The following AJAP1 variants were observed in gnomAD, a reference collection of about 807,000 sequenced individuals.
The protein encoded by AJAP1 is adherens junctions associated protein 1.
In AJAP1, 5 loss-of-function variants were observed where a neutral mutation model predicts 35.0. The observed-to-expected ratio is 0.14, with a 90% CI of 0.07 to 0.30. The LOEUF is 0.30. Ranked by LOEUF, AJAP1 falls within the 10% of genes least tolerant of loss-of-function variation. The probability of loss-of-function intolerance (pLI) is 1.00; values close to 1 mark genes in which losing one functional copy is unlikely to be tolerated. For synonymous variants in AJAP1, 284 were observed against 249.3 expected (o/e 1.14, Z -1.31); for missense variants, 586 against 571.0 (o/e 1.03, Z -0.27).
rs1353422176 is a variant in AJAP1, at chr1:4,656,336, G to C, written c.29+882G>C. On this transcript the variant is annotated intron_variant, in intron 1 of 5. Coordinates refer to ENST00000378191, the MANE Select transcript of AJAP1 (RefSeq NM_018836.4). This position sits in a 1 kb window ranked among gnomAD's most constrained non-coding sequence, Gnocchi z 5.7. ...AGCTGTCGTTTTTGCTGGGCAGGCTGCCTCTGAGCCCTCGCCCTCCTGCCG... is the reference window on the plus strand; with the variant it reads ...AGCTGTCGTTTTTGCTGGGCAGGCTCCCTCTGAGCCCTCGCCCTCCTGCCG... Among the ~76,000 whole-genome samples, 1 of 152,204 alleles carries C rather than the reference G, an allele frequency of 6.6e-6. No homozygotes were observed. The highest frequency in any genetic ancestry group is 2.4e-5 in the African/African-American group (1 of 41,470).
At chr1:4,687,082 C>A (rs1212092075) in intron 1 of AJAP1, among the ~76,000 whole-genome samples, 7 of 152,208 alleles carry the variant, frequency 4.6e-5, no homozygotes, top group African/African-American at 1.7e-4. Flanking sequence ...GAGCCCCATC[C>A]CTACTTCCAA....
chr1:4,664,800 G>A (rs549612227), intron 1 of AJAP1, among the ~76,000 whole-genome samples: 1 of 152,140 alleles, frequency 6.6e-6, no homozygotes, highest in Non-Finnish European at 1.5e-5. Flanking sequence ...ATCCTGCTGT[G>A]GATTCAATTT....
intron 1 of AJAP1, among the ~76,000 whole-genome samples, chr1:4,659,075 A>G (rs1197801292): frequency 6.6e-6 from 1 of 152,188 alleles, no homozygotes; most frequent in Non-Finnish European, 1.5e-5. Context: ...GCCACAGGGT[A>G]CCTGGAGTGT....
chr1:4,772,658 C>A, intron 4 of AJAP1, 133 bp downstream of exon 4: 2 of 1,308,062 alleles, frequency 1.5e-6, no homozygotes, highest in Non-Finnish European at 2.1e-6. Flanking sequence ...GGGGCCCAGC[C>A]AAGGCGGACA....
intron 2 of AJAP1, among the ~76,000 whole-genome samples, chr1:4,732,772 A>G (rs1198764212): frequency 2.0e-5 from 3 of 152,234 alleles, no homozygotes; most frequent in Admixed American, 1.3e-4. Context: ...AATGGAGATG[A>G]TCTTCCACAC....
At chr1:4,704,403 C>A (rs1377659404) in intron 1 of AJAP1, among the ~76,000 whole-genome samples, 1 of 148,148 alleles carries the variant, frequency 6.8e-6, no homozygotes. Context: ...TGAGAACATG[C>A]GGTGTTTGGT....
At chr1:4,746,582 C>A (rs1473743956) in intron 2 of AJAP1, among the ~76,000 whole-genome samples, 2 of 152,216 alleles carry the variant, frequency 1.3e-5, no homozygotes, top group African/African-American at 2.4e-5. Context: ...CCACAACTGT[C>A]CAACAATTGA....
At chr1:4,731,795 C>G (rs571120438) in intron 2 of AJAP1, among the ~76,000 whole-genome samples, 38 of 152,352 alleles carry the variant, frequency 2.5e-4, no homozygotes, top group African/African-American at 8.7e-4. Context: ...GAGAAAAGTT[C>G]AGGCCAAACT....
intron 2 of AJAP1, among the ~76,000 whole-genome samples, chr1:4,760,592 G>A (rs1641543538): frequency 6.6e-6 from 1 of 152,186 alleles, no homozygotes; most frequent in South Asian, 2.1e-4. Flanking sequence ...ACATTTCCCG[G>A]CCACGATGCA....
intron 1 of AJAP1, among the ~76,000 whole-genome samples, chr1:4,705,395 CTTTTTTTTTTTTTTTTTTTTTT>C (rs58022692): frequency 8.4e-5 from 2 of 23,768 alleles, no homozygotes; most frequent in Admixed American, 8.4e-4. Context: ...TTTTGAAGAG[CTTTTTTTTTTTTTTTTTTTTTT>C]TTTTTTTTTT....
chr1:4,708,389 C>T (rs1427291035), intron 1 of AJAP1, among the ~76,000 whole-genome samples: 3 of 152,280 alleles, frequency 2.0e-5, no homozygotes, highest in East Asian at 1.9e-4. Flanking sequence ...TGCCACAGGG[C>T]CTGCCTCCAG....
At chr1:4,685,646 G>A (rs1260892901) in intron 1 of AJAP1, among the ~76,000 whole-genome samples, 1 of 71,512 alleles carries the variant, frequency 1.4e-5, no homozygotes, top group Non-Finnish European at 2.7e-5. Context: ...CGGGACCCAA[G>A]ACCAAGACCC....
chr1:4,702,656 G>T (rs1640014454), intron 1 of AJAP1, among the ~76,000 whole-genome samples: 2 of 152,156 alleles, frequency 1.3e-5, no homozygotes, highest in Non-Finnish European at 2.9e-5. Flanking sequence ...CGGGTGAGTT[G>T]CAGGGAGTGC....
Position 4,655,572 on chromosome 1 carries a change from C to A in AJAP1, c.29+118C>A. ...CCCCTCTTCGCTTCCCGCAAGCGGG[C>A]AACGGGGTGCACCGGTAGCCGGAAA... On this transcript the variant is annotated intron_variant, in intron 1 of 5. Transcript: ENST00000378191. The surrounding 1 kb of genome is among the most constrained non-coding windows in gnomAD (Gnocchi z 6.9). 4 of 1,292,726 alleles carry A rather than the reference C, an allele frequency of 3.1e-6. No individual in the cohort carries two copies. Among genetic ancestry groups the A allele is most frequent in the Non-Finnish European group, 4.2e-6 (4 of 951,160 alleles). The allele number at this position is 1,292,726 out of a possible 1,614,324, so 80.1% of individuals were successfully genotyped here. A position where few individuals can be genotyped will look rare whatever the true frequency, so the allele number is the denominator to read the frequency against.
At chr1:4,710,269 C>T (rs980030707) in intron 1 of AJAP1, among the ~76,000 whole-genome samples, 1 of 152,088 alleles carries the variant, frequency 6.6e-6, no homozygotes, top group African/African-American at 2.4e-5. Flanking sequence ...TGGACACAGT[C>T]ACACAACAGT....
chr1:4,706,257 C>G (rs1640098336), intron 1 of AJAP1, among the ~76,000 whole-genome samples: 1 of 152,176 alleles, frequency 6.6e-6, no homozygotes, highest in Admixed American at 6.5e-5. Context: ...ATTCTTTCTG[C>G]TTCCTGGAGA....
chr1:4,753,504 TTA>T (rs1348675054), intron 2 of AJAP1, among the ~76,000 whole-genome samples: 1 of 149,858 alleles, frequency 6.7e-6, no homozygotes, highest in East Asian at 1.9e-4. Context: ...GTAGTAGTAT[TTA>T]TATGTGTCCC....
At chr1:4,774,958 G>A (rs2100366503) in intron 5 of AJAP1, among the ~76,000 whole-genome samples, 1 of 152,206 alleles carries the variant, frequency 6.6e-6, no homozygotes, top group South Asian at 2.1e-4. Flanking sequence ...GGCTAGGGAG[G>A]CAGGAATCGC....
Position 4,712,430 on chromosome 1 carries a change from G to C in AJAP1, c.560G>C (p.Gly187Ala). ...GAGTTCATCGCCTGGGGGCCCACGGGGGACGAGGAGGCCCTGGAGTCCAAC... is the reference window on the plus strand; with the variant it reads ...GAGTTCATCGCCTGGGGGCCCACGGCGGACGAGGAGGCCCTGGAGTCCAAC... ...ETEFIAWGPTGDEEALESNTF... is the reference protein window; with the variant it reads ...ETEFIAWGPTADEEALESNTF... The change falls in exon 2 of 6, where the codon GGG becomes GCG. Residue 187 changes from glycine (G) to alanine (A), a missense_variant. Coordinates refer to ENST00000378191, the MANE Select transcript of AJAP1 (RefSeq NM_018836.4). 6.2e-7 allele frequency: 1 copy of C among 1,604,446 alleles called. No homozygotes were observed. The highest frequency in any genetic ancestry group is 1.7e-5 in the Admixed American group (1 of 58,944).
Sources: gnomAD v4.1 joint callset for allele counts (sites outside exome capture counted in the v4.1 genomes callset) on GRCh38, gnomAD v4.1.1 for gene constraint, Gnocchi (gnomAD v3.1) non-coding constraint, MANE v1.5 for transcripts, NCBI Gene and HGNC (gene_info 2026-07-23, HGNC 2026-07-21) for gene names.